Variants in MDFIC observed in about 807,000 individuals in gnomAD.
MDFIC encodes the protein MyoD family inhibitor domain containing, also known as myoD family inhibitor domain-containing protein.
Under a neutral mutation model 23.2 loss-of-function variants are expected in MDFIC, and 17 were observed. The observed-to-expected ratio is 0.73, with a 90% confidence interval of 0.50 to 1.10. The LOEUF (loss-of-function observed/expected upper bound fraction) is 1.10. Among genes scored for constraint, MDFIC ranks in the 50% least tolerant of loss-of-function variants. The probability of loss-of-function intolerance (pLI) is 0.00; values close to 1 mark genes in which losing one functional copy is unlikely to be tolerated. For synonymous variants in MDFIC, 120 were observed against 115.2 expected, an observed-to-expected ratio of 1.04 and a Z score of -0.27; for missense variants, 356 against 316.6, an observed-to-expected ratio of 1.12 and a Z score of -0.95.
chr7:114,979,640 G>T lies in MDFIC; in HGVS notation c.352G>T (p.Ala118Ser). ...GIHHGAKHGS[A>S]DNRKLSAPVS... ...TCACCACGGGGCCAAACACGGATCCGCAGATAATCGCAAACTTTCAGCACC... is the reference window on the plus strand; with the variant it reads ...TCACCACGGGGCCAAACACGGATCCTCAGATAATCGCAAACTTTCAGCACC... Residue 118 changes from alanine to serine, a missense_variant, in exon 4 of 5, where the codon GCA becomes TCA. By Grantham distance (99) the Ala-to-Ser change is moderately conservative. Transcript: ENST00000393486. 3 of 1,613,956 alleles carry T rather than the reference G, an allele frequency of 1.9e-6. No individual in the cohort carries two copies. The highest frequency in any genetic ancestry group is 1.1e-5 in the South Asian group (1 of 91,076).
intron 4 of MDFIC, among the ~76,000 whole-genome samples, chr7:115,010,382 CA>C (rs201344458): frequency 2.0e-4 from 29 of 147,254 alleles, no homozygotes; most frequent in African/African-American, 5.0e-4. Context: ...AAAGACCCAC[CA>C]AAAAAAAAAT....
intron 3 of MDFIC, among the ~76,000 whole-genome samples, chr7:114,963,074 T>C (rs552346863): frequency 6.6e-6 from 1 of 152,332 alleles, no homozygotes; most frequent in African/African-American, 2.4e-5. Flanking sequence ...TTATGTAACT[T>C]CAAAGAACCT....
At chr7:115,000,195 CT>C (rs1355040392) in intron 4 of MDFIC, among the ~76,000 whole-genome samples, 8 of 152,156 alleles carry the variant, frequency 5.3e-5, no homozygotes, top group Non-Finnish European at 1.0e-4. Flanking sequence ...TATACAAATA[CT>C]TACCATTGTG....
chr7:114,997,761 A>T (rs1056011523), intron 4 of MDFIC, among the ~76,000 whole-genome samples: 1 of 151,662 alleles, frequency 6.6e-6, no homozygotes, highest in Non-Finnish European at 1.5e-5. Flanking sequence ...AAACAGAAAA[A>T]AAAAAAGAAA....
intron 4 of MDFIC, among the ~76,000 whole-genome samples, chr7:114,991,534 TA>T (rs1791160923): frequency 1.3e-5 from 2 of 152,178 alleles, no homozygotes; most frequent in Admixed American, 1.3e-4. Flanking sequence ...GTATAAGGTG[TA>T]AGGAAGGAAT....
intron 2 of MDFIC, among the ~76,000 whole-genome samples, chr7:114,939,619 T>G (rs1792499003): frequency 6.6e-6 from 1 of 152,204 alleles, no homozygotes; most frequent in South Asian, 2.1e-4. Flanking sequence ...TGTGCATCTA[T>G]GTGTATATGG....
rs1488819461 is a variant in MDFIC, at chr7:115,018,055, A to G, written c.*2120A>G. 6.6e-6 allele frequency: 1 copy of G among 152,022 alleles called. No individual in the cohort carries two copies. Among genetic ancestry groups the G allele is most frequent in the African/African-American group, 2.4e-5 (1 of 41,458 alleles). The allele number at this position is 152,022 out of a possible 1,614,324, so 9.4% of individuals were successfully genotyped here. A position where few individuals can be genotyped will look rare whatever the true frequency, so the allele number is the denominator to read the frequency against. On this transcript the variant is annotated 3_prime_UTR_variant, in exon 5 of 5. Coordinates refer to ENST00000393486, the MANE Select transcript of MDFIC (RefSeq NM_001166345.3). ...GCTATTTACACATACATACACACAT[A>G]CAAAACCTTTAAATTTTGGGATCTG... is the stretch of plus-strand genomic sequence containing the variant.
At chr7:115,015,595 A>C in intron 4 of MDFIC, 93 bp from the exon 5 acceptor site, 1 of 1,495,780 alleles carries the variant, frequency 6.7e-7, no homozygotes, top group Non-Finnish European at 9.0e-7. Flanking sequence ...TTACTTAACT[A>C]TTTTGCTCAA....
intron 3 of MDFIC, among the ~76,000 whole-genome samples, chr7:114,974,786 C>A (rs867711617): frequency 2.0e-5 from 3 of 152,018 alleles, no homozygotes; most frequent in Non-Finnish European, 4.4e-5. Flanking sequence ...TATTGAAAAT[C>A]GCTAGACCTA....
At chr7:114,935,374 G>T (rs937920813) in intron 2 of MDFIC, among the ~76,000 whole-genome samples, 1 of 152,038 alleles carries the variant, frequency 6.6e-6, no homozygotes, top group Non-Finnish European at 1.5e-5. Context: ...AACACAAAGA[G>T]AACTAGTTAT....
At chr7:114,960,176 G>A (rs936617352) in intron 3 of MDFIC, among the ~76,000 whole-genome samples, 4 of 152,152 alleles carry the variant, frequency 2.6e-5, no homozygotes, top group African/African-American at 7.2e-5. Flanking sequence ...GGTTGGTGAA[G>A]GGTCAAATAT....
At chr7:115,004,421 G>T (rs943005302) in intron 4 of MDFIC, among the ~76,000 whole-genome samples, 1 of 152,126 alleles carries the variant, frequency 6.6e-6, no homozygotes, top group Admixed American at 6.5e-5. Context: ...ACCTGCCTGG[G>T]CAATATAGTG....
At chr7:114,949,771 C>G (rs1792725292) in intron 3 of MDFIC, among the ~76,000 whole-genome samples, 1 of 90,158 alleles carries the variant, frequency 1.1e-5, no homozygotes, top group African/African-American at 3.9e-5. Flanking sequence ...AGTAGGTTCT[C>G]ATGGGATAAC....
At chr7:114,938,421 T>C (rs544451564) in intron 2 of MDFIC, among the ~76,000 whole-genome samples, 1 of 152,228 alleles carries the variant, frequency 6.6e-6, no homozygotes, top group Non-Finnish European at 1.5e-5. Flanking sequence ...AAGTTTTTTT[T>C]AAATATAAAT....
chr7:114,997,275 G>C (rs1791352564), intron 4 of MDFIC, among the ~76,000 whole-genome samples: 1 of 152,168 alleles, frequency 6.6e-6, no homozygotes, highest in Non-Finnish European at 1.5e-5. Context: ...ACATGGTTGA[G>C]TGCTATTGGT....
At chr7:114,964,496 C>G (rs1425798892) in intron 3 of MDFIC, among the ~76,000 whole-genome samples, 5 of 134,158 alleles carry the variant, frequency 3.7e-5, no homozygotes, top group Admixed American at 8.2e-5. Flanking sequence ...CTCCCCTCCC[C>G]TTCCCTTCCC....
intron 4 of MDFIC, 96 bp from the exon 5 acceptor site, chr7:115,015,592 A>T (rs1791778780): frequency 3.4e-6 from 5 of 1,480,760 alleles, no homozygotes; most frequent in Non-Finnish European, 4.6e-6. Flanking sequence ...GGATTACTTA[A>T]CTATTTTGCT....
At chr7:114,933,253 C>CTTTTT (rs34608476) in intron 2 of MDFIC, among the ~76,000 whole-genome samples, 1 of 135,930 alleles carries the variant, frequency 7.4e-6, no homozygotes. Flanking sequence ...GTGTTCCATT[C>CTTTTT]TTTTTTTTTT....
intron 4 of MDFIC, among the ~76,000 whole-genome samples, chr7:114,980,834 A>G (rs191989887): frequency 6.6e-6 from 1 of 152,334 alleles, no homozygotes; most frequent in African/African-American, 2.4e-5. Flanking sequence ...TAAATAGGAA[A>G]TTGTATTGAG....
Sources: allele counts gnomAD v4.1 joint callset (sites outside exome capture counted in the v4.1 genomes callset), GRCh38; gene constraint gnomAD v4.1.1; transcripts MANE v1.5; gene names NCBI Gene and HGNC (gene_info 2026-07-23, HGNC 2026-07-21).